COX16: variants seen among roughly 807,000 people sequenced by gnomAD.
COX16 encodes cytochrome c oxidase assembly factor COX16, also known as cytochrome c oxidase assembly protein COX16 homolog, mitochondrial.
In COX16, 12 loss-of-function variants were observed where a neutral mutation model predicts 15.4. The ratio of observed to expected loss-of-function variants is 0.78; its 90% confidence interval spans 0.50 to 1.26. COX16 has a LOEUF of 1.26. Among genes scored for constraint, COX16 ranks in the 50% most tolerant of loss-of-function variants. COX16 has a pLI of 0.00. For synonymous variants in COX16, 46 were observed against 41.1 expected, an observed-to-expected ratio of 1.12 and a Z score of -0.46; for missense variants, 124 against 127.6, an observed-to-expected ratio of 0.97 and a Z score of 0.14.
At position 70,341,732 on chromosome 14, in the gene COX16, G is replaced by A. The variant is rs372403636; in HGVS notation, c.141+926C>T. On this transcript the variant is annotated intron_variant, in intron 2 of 3. Coordinates refer to ENST00000389912, the MANE Select transcript of COX16 (RefSeq NM_016468.7). ...TAGCCCCAACTTGCAATGTTTCAAC[G>A]TACGTTTCTTTTACTTTACGATCCA... 1.4e-3 allele frequency among the ~76,000 whole-genome samples: 215 copies of A among 152,126 alleles called. 1 individual carries two copies. The highest frequency in any genetic ancestry group is 4.1e-3 in the African/African-American group (169 of 41,490).
intron 1 of COX16, among the ~76,000 whole-genome samples, chr14:70,355,792 A>C (rs1311323985): frequency 6.6e-6 from 1 of 152,120 alleles, no homozygotes; most frequent in Non-Finnish European, 1.5e-5. Context: ...CTGACCCCCA[A>C]TGTTGGAGGG....
chr14:70,329,633 A>G (rs1380158851), intron 2 of COX16, among the ~76,000 whole-genome samples: 1 of 151,332 alleles, frequency 6.6e-6, no homozygotes, highest in African/African-American at 2.4e-5. Context: ...TCTAAATTAT[A>G]TTATGGAGAA....
At chr14:70,333,403 A>T (rs1886351946) in intron 2 of COX16, among the ~76,000 whole-genome samples, 1 of 152,232 alleles carries the variant, frequency 6.6e-6, no homozygotes, top group Non-Finnish European at 1.5e-5. Context: ...TTAAAAATCA[A>T]ACAGAAATCC....
rs1886077590 is a variant in COX16, at chr14:70,326,416, T to C, written c.238A>G (p.Asn80Asp). 3.1e-6 allele frequency: 5 copies of C among 1,593,734 alleles called. No individual in the cohort carries two copies. Among genetic ancestry groups the C allele is most frequent in the Non-Finnish European group, 4.3e-6 (5 of 1,171,418 alleles). The change falls in exon 4 of 4, where the codon AAT becomes GAT. Residue 80 changes from asparagine (N) to aspartate (D), a missense_variant. Asn to Asp is a conservative substitution (Grantham distance 23). Transcript: ENST00000389912. ...IKDSKFDDWKNIRGPRPWEDP... is the reference protein window; with the variant it reads ...IKDSKFDDWKDIRGPRPWEDP... ...TCCCAAGGCCTGGGTCCTCGAATATTCTTCCAGTCATCAAACTTGGAGTCT... is the reference window on the plus strand; with the variant it reads ...TCCCAAGGCCTGGGTCCTCGAATATCCTTCCAGTCATCAAACTTGGAGTCT...
At chr14:70,333,336 CAGAG>C (rs1032708764) in intron 2 of COX16, among the ~76,000 whole-genome samples, 11 of 152,120 alleles carry the variant, frequency 7.2e-5, no homozygotes, top group South Asian at 2.1e-4. Flanking sequence ...CAAGAAAAGA[CAGAG>C]AGCCATTTAG....
rs1887242201 is a variant in COX16 at position 70,359,669 on chromosome 14, G to A, written c.-82C>T. On this transcript the variant is annotated 5_prime_UTR_variant, in exon 1 of 4. Coordinates refer to ENST00000389912, the MANE Select transcript of COX16 (RefSeq NM_016468.7). ...TCTCAGCAGCTCACGCTCTCACCAA[G>A]ACGAGTACGTCCTTAACTCACTTCC... The A allele has an allele frequency of 1.6e-6, 2 of 1,231,014 alleles. No homozygotes were observed. Among genetic ancestry groups the A allele is most frequent in the South Asian group, 2.5e-5 (2 of 81,460 alleles). 76.3% of individuals were successfully genotyped at this position (1,231,014 alleles called of 1,614,324 possible).
intron 2 of COX16, among the ~76,000 whole-genome samples, chr14:70,330,690 G>C (rs181940726): frequency 1.3e-5 from 2 of 152,072 alleles, no homozygotes; most frequent in African/African-American, 4.8e-5. Context: ...AAACTAATGC[G>C]ACAGAACAGA....
intron 1 of COX16, among the ~76,000 whole-genome samples, chr14:70,342,937 C>G (rs1886665428): frequency 6.6e-6 from 1 of 152,134 alleles, no homozygotes; most frequent in Non-Finnish European, 1.5e-5. Context: ...TTACCAAATA[C>G]CAAAATCGTC....
chr14:70,334,380 G>A (rs78069940), intron 2 of COX16, among the ~76,000 whole-genome samples: 14,648 of 152,038 alleles, frequency 0.096, 770 homozygotes, highest in East Asian at 0.18. Context: ...AAAATTCATC[G>A]GTTGTGGTGG....
intron 2 of COX16, among the ~76,000 whole-genome samples, chr14:70,333,418 G>A (rs559365293): frequency 1.5e-4 from 23 of 152,216 alleles, no homozygotes; most frequent in African/African-American, 5.1e-4. Context: ...AAATCCTGGA[G>A]CTGAAAAATA....
At chr14:70,336,779 C>G (rs548869039) in intron 2 of COX16, among the ~76,000 whole-genome samples, 20 of 152,272 alleles carry the variant, frequency 1.3e-4, no homozygotes, top group African/African-American at 4.6e-4. Flanking sequence ...AAACCTCTAC[C>G]TAAGATGCTA....
chr14:70,325,253 A>G lies in COX16; in HGVS notation c.*1080T>C. ...TGAAACCAGAAGGTAGAAGCTGATA[A>G]AGGCAGGGGTAAAAAGGAGAAAATG... is the stretch of plus-strand genomic sequence containing the variant. On this transcript the variant is annotated 3_prime_UTR_variant, in exon 4 of 4. Coordinates refer to ENST00000389912, the MANE Select transcript of COX16 (RefSeq NM_016468.7). 1 of 152,216 alleles carries G rather than the reference A, an allele frequency of 6.6e-6. No individual in the cohort carries two copies. The highest frequency in any genetic ancestry group is 1.9e-4 in the East Asian group (1 of 5,192). 9.4% of individuals were successfully genotyped at this position (152,216 alleles called of 1,614,324 possible). A position where few individuals can be genotyped will look rare whatever the true frequency, so the allele number is the denominator to read the frequency against.
chr14:70,349,167 C>T (rs1886869326), intron 1 of COX16, among the ~76,000 whole-genome samples: 1 of 152,220 alleles, frequency 6.6e-6, no homozygotes, highest in African/African-American at 2.4e-5. Context: ...CTTGTCCTCA[C>T]CTTTCCAGCT....
At chr14:70,358,037 T>C (rs150042088) in intron 1 of COX16, among the ~76,000 whole-genome samples, 6 of 152,224 alleles carry the variant, frequency 3.9e-5, no homozygotes, top group Admixed American at 1.3e-4. Context: ...TGGAATTATA[T>C]CCATCAAAAG....
Position 70,353,805 on chromosome 14 carries a change from G to A in COX16, c.69+5714C>T, listed in dbSNP as rs985641442. Among the ~76,000 whole-genome samples, 13 of 151,958 alleles carry A rather than the reference G, an allele frequency of 8.6e-5. 1 individual carries two copies. In the South Asian group the frequency reaches 1.7e-3, roughly 19 times the overall value. ...TGGGATTACAGGCGTGAGCCACTGC[G>A]CCCGGCCCCTACCTTCCTTTTTTTT... On this transcript the variant is annotated intron_variant, in intron 1 of 3. Coordinates refer to ENST00000389912, the MANE Select transcript of COX16 (RefSeq NM_016468.7).
chr14:70,330,098 T>C (rs946025779), intron 2 of COX16, among the ~76,000 whole-genome samples: 2 of 151,890 alleles, frequency 1.3e-5, no homozygotes, highest in Non-Finnish European at 2.9e-5. Flanking sequence ...TGAAAGAACA[T>C]CATAAGAAAT....
In COX16 at chr14:70,351,034, T is replaced by C. The variant is rs1295847871; in HGVS notation, c.70-8305A>G. Among the ~76,000 whole-genome samples, 6 of 152,300 alleles carry C rather than the reference T, an allele frequency of 3.9e-5. No homozygotes were observed. In the East Asian group the frequency reaches 9.7e-4, roughly 25 times the overall value. On this transcript the variant is annotated intron_variant, in intron 1 of 3. Transcript: ENST00000389912. ...CTGATTTAACAAAAGAAGAAAATAA[T>C]ATTTTCAAAAGCTTAGCCCTTCTAC... is the stretch of plus-strand genomic sequence containing the variant.
At chr14:70,337,269 T>C (rs1335360415) in intron 2 of COX16, among the ~76,000 whole-genome samples, 1 of 152,112 alleles carries the variant, frequency 6.6e-6, no homozygotes, top group Non-Finnish European at 1.5e-5. Context: ...ATGGACATTA[T>C]TTATAAACAA....
chr14:70,359,479 G>T (rs749035661), intron 1 of COX16, 40 bp downstream of exon 1: 1 of 1,560,668 alleles, frequency 6.4e-7, no homozygotes, highest in Non-Finnish European at 8.8e-7. Flanking sequence ...CAAGGAGGAG[G>T]GTCCCACCCC....
Sources: allele counts gnomAD v4.1 joint callset (sites outside exome capture counted in the v4.1 genomes callset), GRCh38; gene constraint gnomAD v4.1.1; transcripts MANE v1.5; gene names NCBI Gene and HGNC (gene_info 2026-07-23, HGNC 2026-07-21).